Variants in FMN2 observed in about 807,000 individuals in gnomAD.
FMN2 encodes the protein formin 2.
In FMN2, 51 loss-of-function variants were observed where a neutral mutation model predicts 142.3. The observed-to-expected ratio is 0.36, with a 90% CI of 0.29 to 0.45. The LOEUF is 0.45. FMN2 is among the 20% of genes least tolerant of loss of function. FMN2 has a pLI of 1.00. For missense variants in FMN2, 1,936 were observed against 2,122.8 expected, an observed-to-expected ratio of 0.91 and a Z score of 1.73; for synonymous variants, 882 against 869.8, an observed-to-expected ratio of 1.01 and a Z score of -0.25.
At chr1:240,339,404 A>G (rs970404831) in intron 13 of FMN2, among the ~76,000 whole-genome samples, 3 of 152,178 alleles carry the variant, frequency 2.0e-5, no homozygotes, top group Non-Finnish European at 2.9e-5. Flanking sequence ...ATGTGTATAT[A>G]GGAAAAAGCA....
intron 16 of FMN2, among the ~76,000 whole-genome samples, chr1:240,439,743 G>A (rs1374710726): frequency 3.3e-5 from 5 of 152,158 alleles, no homozygotes; most frequent in Admixed American, 6.5e-5. Context: ...GCGAATCACT[G>A]TTCTTTTCCT....
At chr1:240,451,981 G>C (rs780161940) in intron 16 of FMN2, among the ~76,000 whole-genome samples, 9 of 151,610 alleles carry the variant, frequency 5.9e-5, no homozygotes, top group Admixed American at 5.9e-4. Context: ...CACAAGGTCA[G>C]GAGATCGAGA....
chr1:240,304,936 C>T (rs56298518), intron 8 of FMN2, among the ~76,000 whole-genome samples: 10,166 of 152,268 alleles, frequency 0.067, 423 homozygotes, highest in East Asian at 0.12. Context: ...GTAAGACCAA[C>T]AGTAGACCCC....
At chr1:240,210,987 C>T in intron 5 of FMN2, 104 bp from the exon 6 acceptor site, 1 of 995,008 alleles carries the variant, frequency 1.0e-6, no homozygotes, top group Non-Finnish European at 1.4e-6. Flanking sequence ...TCCCTCCTTC[C>T]CTCCTGCTGG....
chr1:240,357,608 G>A (rs1348970933), intron 14 of FMN2, among the ~76,000 whole-genome samples: 1 of 139,476 alleles, frequency 7.2e-6, no homozygotes, highest in East Asian at 2.1e-4. Context: ...ACAACCTTAC[G>A]GGTTTTTTTT....
intron 13 of FMN2, among the ~76,000 whole-genome samples, chr1:240,350,440 A>G (rs1318563542): frequency 2.0e-5 from 3 of 152,220 alleles, no homozygotes; most frequent in African/African-American, 4.8e-5. Context: ...CAGACACTTG[A>G]CACACAGAGG....
intron 8 of FMN2, among the ~76,000 whole-genome samples, chr1:240,319,574 C>T (rs1456646435): frequency 1.3e-5 from 2 of 152,192 alleles, no homozygotes; most frequent in Admixed American, 6.5e-5. Context: ...TAAGACATCT[C>T]AGGGATTTAA....
At chr1:240,346,512 A>G (rs1671912942) in intron 13 of FMN2, among the ~76,000 whole-genome samples, 1 of 152,200 alleles carries the variant, frequency 6.6e-6, no homozygotes, top group Non-Finnish European at 1.5e-5. Context: ...GGGATGAGAA[A>G]CACAAAGTTA....
At chr1:240,438,261 G>T in intron 16 of FMN2, 51 bp downstream of exon 16, 1 of 1,569,624 alleles carries the variant, frequency 6.4e-7, no homozygotes, top group South Asian at 1.2e-5. Context: ...GTTTTATTAG[G>T]TGTGGCACCA....
intron 2 of FMN2, among the ~76,000 whole-genome samples, chr1:240,137,240 T>C (rs1008046907): frequency 2.0e-5 from 3 of 152,098 alleles, no homozygotes; most frequent in Non-Finnish European, 2.9e-5. Flanking sequence ...GAAAGAAGAT[T>C]TATTCTCCTG....
At chr1:240,235,132 T>C (rs904700245) in intron 6 of FMN2, among the ~76,000 whole-genome samples, 2 of 152,194 alleles carry the variant, frequency 1.3e-5, no homozygotes, top group Non-Finnish European at 2.9e-5. Flanking sequence ...GCCTCTACTT[T>C]AGTTTTTTGG....
At position 240,355,885 on chromosome 1, in the gene FMN2, A is replaced by T; in HGVS notation, c.4835A>T (p.Asn1612Ile). Residue 1612 changes from asparagine to isoleucine, a missense_variant, in exon 14 of 18, where the codon AAC becomes ATC. This residue lies in a region of FMN2 where 322 missense variants were observed against 401.6 expected (regional missense o/e 0.80). Coordinates refer to ENST00000319653, the MANE Select transcript of FMN2 (RefSeq NM_020066.5). ...GAGCATATGCAGCCTTTCAAGGAAA[A>T]CATGGAACAATTTATTATTCAAGGT... is the stretch of plus-strand genomic sequence containing the variant. ...SKEHMQPFKE[N>I]MEQFIIQAKI... is the part of the protein sequence containing the mutation. The T allele has an allele frequency of 6.2e-7, 1 of 1,600,988 alleles. No homozygotes were observed. The highest frequency in any genetic ancestry group is 8.5e-7 in the Non-Finnish European group (1 of 1,171,660).
At position 240,091,975 on chromosome 1, in the gene FMN2, G is replaced by A; in HGVS notation, c.-135G>A. On this transcript the variant is annotated 5_prime_UTR_variant, in exon 1 of 18. Transcript: ENST00000319653. ...GAGCGGGGCCAGCCGGGCGCGCGTC[G>A]GCCTCCCCTCCCAGCGGCTCCCCCC... The A allele has an allele frequency of 2.2e-6, 3 of 1,351,730 alleles. No individual in the cohort carries two copies. Among genetic ancestry groups the A allele is most frequent in the Non-Finnish European group, 2.9e-6 (3 of 1,052,586 alleles). The allele number at this position is 1,351,730 out of a possible 1,614,324, so 83.7% of individuals were successfully genotyped here.
chr1:240,166,221 G>T (rs1664476296), intron 2 of FMN2, among the ~76,000 whole-genome samples: 1 of 150,896 alleles, frequency 6.6e-6, no homozygotes. Flanking sequence ...ATTAGCTCAT[G>T]TATTATTATT....
intron 14 of FMN2, among the ~76,000 whole-genome samples, chr1:240,388,680 G>A (rs910763752): frequency 4.6e-5 from 7 of 151,966 alleles, no homozygotes; most frequent in Admixed American, 2.0e-4. Context: ...TGACCAATAT[G>A]ATGAAACCCC....
intron 15 of FMN2, among the ~76,000 whole-genome samples, chr1:240,398,594 GT>G (rs1673870997): frequency 6.6e-6 from 1 of 152,106 alleles, no homozygotes; most frequent in Non-Finnish European, 1.5e-5. Flanking sequence ...AACATTTGAC[GT>G]TTCTCCGAAG....
At chr1:240,239,196 G>A (rs1361184275) in intron 6 of FMN2, among the ~76,000 whole-genome samples, 1 of 152,188 alleles carries the variant, frequency 6.6e-6, no homozygotes, top group African/African-American at 2.4e-5. Flanking sequence ...GCTAATTTGA[G>A]ACTCTGGGAC....
intron 4 of FMN2, among the ~76,000 whole-genome samples, chr1:240,200,841 G>A (rs1459172563): frequency 6.6e-6 from 1 of 152,044 alleles, no homozygotes; most frequent in Non-Finnish European, 1.5e-5. Flanking sequence ...GTACAAAAAA[G>A]TTCTGTTTAT....
intron 16 of FMN2, among the ~76,000 whole-genome samples, chr1:240,455,836 G>A (rs1430063166): frequency 2.6e-5 from 4 of 151,916 alleles, no homozygotes; most frequent in Admixed American, 6.6e-5. Flanking sequence ...TTAGCCAGGC[G>A]TGGTGACAGG....
Sources: allele counts gnomAD v4.1 joint callset (sites outside exome capture counted in the v4.1 genomes callset), GRCh38; gene constraint gnomAD v4.1.1; regional missense constraint gnomAD v4.1.1; transcripts MANE v1.5; gene names NCBI Gene and HGNC (gene_info 2026-07-23, HGNC 2026-07-21).